Variants in JARID2 observed in about 807,000 individuals in gnomAD.
JARID2 encodes the protein protein Jumonji.
JARID2 carries 21 observed loss-of-function variants against 125.6 expected under a neutral mutation model. That is an observed-to-expected ratio of 0.17 (90% CI 0.12 to 0.24). The LOEUF (loss-of-function observed/expected upper bound fraction) is 0.24. Among genes scored for constraint, JARID2 ranks in the 10% least tolerant of loss-of-function variants. The pLI is 1.00. For synonymous variants in JARID2, 736 were observed against 661.6 expected, an observed-to-expected ratio of 1.11 and a Z score of -1.73; for missense variants, 1,303 against 1,639.6, an observed-to-expected ratio of 0.79 and a Z score of 3.55.
intron 1 of JARID2, among the ~76,000 whole-genome samples, chr6:15,363,813 G>A (rs1290207658): frequency 2.0e-5 from 3 of 152,150 alleles, no homozygotes; most frequent in Non-Finnish European, 4.4e-5. Context: ...GGTTTCTGGA[G>A]GCCCATACCT....
chr6:15,306,361 T>G lies in JARID2; in HGVS notation c.45+59777T>G, dbSNP rs191484392. 3.9e-3 allele frequency among the ~76,000 whole-genome samples: 523 copies of G among 133,960 alleles called. 5 individuals carry two copies. The highest frequency in any genetic ancestry group is 0.014 in the African/African-American group (497 of 35,080). 87.9% of individuals were successfully genotyped at this position (133,960 alleles called of 152,430 possible). A position where few individuals can be genotyped will look rare whatever the true frequency, so the allele number is the denominator to read the frequency against. On this transcript the variant is annotated intron_variant, in intron 1 of 17. Coordinates refer to ENST00000341776, the MANE Select transcript of JARID2 (RefSeq NM_004973.4). ...TTTTTTTTTTTTTTTTGAGACGGAG[T>G]TTTGCTCTTGTTGCCCAGGGTGGAG...
In JARID2 at chr6:15,520,574, G is replaced by A. The variant is rs573358930; in HGVS notation, c.*323G>A. 2.3e-5 allele frequency: 6 copies of A among 262,584 alleles called. No individual in the cohort carries two copies. The highest frequency in any genetic ancestry group is 4.5e-5 in the Non-Finnish European group (6 of 134,194). The allele number at this position is 262,584 out of a possible 1,614,324, so 16.3% of individuals were successfully genotyped here. ...TTTTGATTTTTTTTTTTTTGTAACTGTTGGGGGGAAAAAGGCTTTTTAACC... is the reference window on the plus strand; with the variant it reads ...TTTTGATTTTTTTTTTTTTGTAACTATTGGGGGGAAAAAGGCTTTTTAACC... On this transcript the variant is annotated 3_prime_UTR_variant, in exon 18 of 18. Transcript: ENST00000341776.
At chr6:15,305,407 T>C (rs143564434) in intron 1 of JARID2, among the ~76,000 whole-genome samples, 289 of 152,320 alleles carry the variant, frequency 1.9e-3, no homozygotes, top group African/African-American at 6.4e-3. Context: ...AAAAGCCTCC[T>C]GAGCAGCTGA....
chr6:15,415,600 C>T (rs1173929574), intron 3 of JARID2, among the ~76,000 whole-genome samples: 7 of 145,054 alleles, frequency 4.8e-5, no homozygotes, highest in Admixed American at 6.8e-5. Context: ...GGGGGCTGAC[C>T]CCTCCACCTC....
chr6:15,299,884 G>A (rs967043942), intron 1 of JARID2, among the ~76,000 whole-genome samples: 12 of 152,190 alleles, frequency 7.9e-5, no homozygotes, highest in African/African-American at 2.4e-4. Context: ...ATCCTTTCTC[G>A]TACTTTACCC....
intron 7 of JARID2, among the ~76,000 whole-genome samples, chr6:15,497,575 C>T (rs1241551524): frequency 4.0e-5 from 6 of 149,914 alleles, no homozygotes; most frequent in Non-Finnish European, 5.9e-5. Flanking sequence ...GGCGTGAACC[C>T]AGGAGGCGGA....
chr6:15,455,911 C>T (rs752281733), intron 4 of JARID2, among the ~76,000 whole-genome samples: 5 of 152,216 alleles, frequency 3.3e-5, no homozygotes, highest in African/African-American at 7.2e-5. Flanking sequence ...AAATTGCTGT[C>T]GGCATTTTGC....
chr6:15,358,002 A>G (rs1479358764), intron 1 of JARID2, among the ~76,000 whole-genome samples: 1 of 152,184 alleles, frequency 6.6e-6, no homozygotes, highest in Non-Finnish European at 1.5e-5. Context: ...ATTCTGACTC[A>G]GGAAGCCCAT....
intron 5 of JARID2, among the ~76,000 whole-genome samples, chr6:15,482,629 T>A (rs975850023): frequency 6.6e-6 from 1 of 152,234 alleles, no homozygotes; most frequent in Admixed American, 6.5e-5. Context: ...AGTGTTGCAG[T>A]ACATAGTTTG....
chr6:15,425,031 A>G (rs1040794704), intron 3 of JARID2, among the ~76,000 whole-genome samples: 3 of 152,230 alleles, frequency 2.0e-5, no homozygotes, highest in South Asian at 2.1e-4. Context: ...CCTACCGATG[A>G]GAACACTGAG....
At chr6:15,381,940 CA>C (rs1764604890) in intron 2 of JARID2, among the ~76,000 whole-genome samples, 1 of 152,192 alleles carries the variant, frequency 6.6e-6, no homozygotes, top group South Asian at 2.1e-4. Flanking sequence ...AAAATAGATG[CA>C]ACTTAAAATC....
chr6:15,449,381 C>T (rs533656905), intron 3 of JARID2, among the ~76,000 whole-genome samples: 80 of 152,068 alleles, frequency 5.3e-4, no homozygotes, highest in African/African-American at 1.8e-3. Flanking sequence ...CATCATGGCT[C>T]ATGCATGTAA....
intron 1 of JARID2, among the ~76,000 whole-genome samples, chr6:15,284,148 A>G (rs953003141): frequency 6.6e-6 from 1 of 152,088 alleles, no homozygotes; most frequent in Non-Finnish European, 1.5e-5. Flanking sequence ...TGTTCTGAGA[A>G]ATTATCTTTC....
chr6:15,448,900 CAATA>C (rs1767790838), intron 3 of JARID2, among the ~76,000 whole-genome samples: 1 of 152,030 alleles, frequency 6.6e-6, no homozygotes, highest in African/African-American at 2.4e-5. Context: ...TGTTGAGTCC[CAATA>C]AATTAGGCTT....
intron 1 of JARID2, among the ~76,000 whole-genome samples, chr6:15,274,394 GTTTTTAA>G (rs1760416292): frequency 1.3e-5 from 2 of 152,118 alleles, no homozygotes; most frequent in Admixed American, 1.3e-4. Flanking sequence ...AAATGGGATT[GTTTTTAA>G]TTTTTACAGA....
In JARID2 at chr6:15,261,311, CTTTTTTTT is replaced by C. The variant is rs70996526; in HGVS notation, c.45+14741_45+14748del. ...TTGGATGGTGTTTTTTCTTCTTCTTCTTTTTTTTTTTTTTTTTTTTTGAGACGGAGTCT... is the reference window on the plus strand; with the variant it reads ...TTGGATGGTGTTTTTTCTTCTTCTTCTTTTTTTTTTTTTGAGACGGAGTCT... On this transcript the variant is annotated intron_variant, in intron 1 of 17. Transcript: ENST00000341776. 3.4e-4 allele frequency among the ~76,000 whole-genome samples: 43 copies of C among 125,798 alleles called. 1 individual carries two copies. In the East Asian group the frequency reaches 5.0e-3, roughly 15 times the overall value. The allele number at this position is 125,798 out of a possible 152,430, so 82.5% of individuals were successfully genotyped here. A position where few individuals can be genotyped will look rare whatever the true frequency, so the allele number is the denominator to read the frequency against.
chr6:15,357,763 G>T (rs1375650147), intron 1 of JARID2, among the ~76,000 whole-genome samples: 1 of 152,168 alleles, frequency 6.6e-6, no homozygotes, highest in Admixed American at 6.5e-5. Context: ...CAGAAAGTGA[G>T]CTGTTTCCGG....
chr6:15,496,497 GCGGCAGCTGCGGGAGGGC>G lies in JARID2; in HGVS notation c.1274_1291del (p.Arg425_Gly430del). 6.2e-7 allele frequency: 1 copy of G among 1,608,012 alleles called. No individual in the cohort carries two copies. Among genetic ancestry groups the G allele is most frequent in the Non-Finnish European group, 8.5e-7 (1 of 1,177,204 alleles). On this transcript the variant is annotated inframe_deletion, in exon 7 of 18. Transcript: ENST00000341776. ...AGTCATGCACTAAGGAGGTGGGGGG[GCGGCAGCTGCGGGAGGGC>G]CTGCAGCTGCGGGAGGGGCTGCGGA...
intron 3 of JARID2, among the ~76,000 whole-genome samples, chr6:15,418,203 T>C (rs1766322116): frequency 6.7e-6 from 1 of 148,574 alleles, no homozygotes; most frequent in African/African-American, 2.5e-5. Flanking sequence ...GATCTCTTGT[T>C]AACTATATTC....
Sources: gnomAD v4.1 joint callset for allele counts (sites outside exome capture counted in the v4.1 genomes callset) on GRCh38, gnomAD v4.1.1 for gene constraint, MANE v1.5 for transcripts, NCBI Gene and HGNC (gene_info 2026-07-23, HGNC 2026-07-21) for gene names.